SLCO3A1: variants seen among roughly 807,000 people sequenced by gnomAD.
SLCO3A1 encodes the protein PGE1 transporter.
SLCO3A1 carries 27 observed loss-of-function variants against 63.1 expected under a neutral mutation model. The observed-to-expected ratio is 0.43, with a 90% confidence interval of 0.32 to 0.59. The LOEUF is 0.59. SLCO3A1 is among the 20% of genes least tolerant of loss of function. The pLI, the probability that SLCO3A1 is intolerant of heterozygous loss-of-function variation, is 0.09. For missense variants in SLCO3A1, 773 were observed against 945.8 expected, an observed-to-expected ratio of 0.82 and a Z score of 2.40; for synonymous variants, 473 against 409.9, an observed-to-expected ratio of 1.15 and a Z score of -1.86.
chr15:92,125,584 A>G (rs1195132014), intron 5 of SLCO3A1, among the ~76,000 whole-genome samples: 1 of 152,066 alleles, frequency 6.6e-6, no homozygotes, highest in African/African-American at 2.4e-5. Flanking sequence ...CAGCCTCCGT[A>G]CTTTCCGTGA....
intron 2 of SLCO3A1, among the ~76,000 whole-genome samples, chr15:91,999,206 G>C (rs758209723): frequency 6.6e-6 from 1 of 152,072 alleles, no homozygotes; most frequent in Non-Finnish European, 1.5e-5. Flanking sequence ...TGATGGGATC[G>C]TTCATAACCC....
intron 2 of SLCO3A1, among the ~76,000 whole-genome samples, chr15:92,005,552 A>G (rs953389420): frequency 2.0e-5 from 3 of 152,170 alleles, no homozygotes; most frequent in Non-Finnish European, 4.4e-5. Context: ...ACAGAGGAAA[A>G]CACACATTAG....
chr15:91,988,908 G>A (rs1597193504), intron 2 of SLCO3A1, among the ~76,000 whole-genome samples: 2 of 152,176 alleles, frequency 1.3e-5, no homozygotes, highest in Non-Finnish European at 2.9e-5. Context: ...GCTGCAAAAA[G>A]AATGAGGGGA....
intron 2 of SLCO3A1, among the ~76,000 whole-genome samples, chr15:92,001,213 CG>C (rs1450429008): frequency 3.3e-4 from 3 of 9,016 alleles, no homozygotes; most frequent in Admixed American, 1.4e-3. Flanking sequence ...GGTGGGTGGG[CG>C]GGGGGGAGGG....
At chr15:92,055,630 C>A (rs2047012326) in intron 2 of SLCO3A1, among the ~76,000 whole-genome samples, 1 of 152,152 alleles carries the variant, frequency 6.6e-6, no homozygotes, top group Non-Finnish European at 1.5e-5. Context: ...CATACACTCT[C>A]TGCATTTGAC....
At chr15:92,080,405 T>C (rs12101738) in intron 2 of SLCO3A1, among the ~76,000 whole-genome samples, 7,301 of 151,808 alleles carry the variant, frequency 0.048, 469 homozygotes, top group African/African-American at 0.15. Context: ...TTTTTTTTTT[T>C]CCTCCAGTCC....
chr15:92,065,796 A>G (rs985605170), intron 2 of SLCO3A1, among the ~76,000 whole-genome samples: 3 of 152,224 alleles, frequency 2.0e-5, no homozygotes, highest in Non-Finnish European at 4.4e-5. Context: ...TTGCACAACC[A>G]TCACCACCAT....
At position 91,860,702 on chromosome 15, in the gene SLCO3A1, C is replaced by G. The variant is rs1360826749; in HGVS notation, c.180+6614C>G. Reference sequence around the variant, plus strand: ...GGACATATGTTGTGGACATATGCTGCCCTCCAGGCAGCCTTGTTTAAAACG... The same window carrying G: ...GGACATATGTTGTGGACATATGCTGGCCTCCAGGCAGCCTTGTTTAAAACG... On this transcript the variant is annotated intron_variant, in intron 1 of 9. Transcript: ENST00000318445. This position sits in a 1 kb window ranked among gnomAD's most constrained non-coding sequence, Gnocchi z 5.5. Among the ~76,000 whole-genome samples, 7 of 152,350 alleles carry G rather than the reference C, an allele frequency of 4.6e-5. No individual in the cohort carries two copies. The East Asian group carries it at 1.4e-3, about 29-fold the overall frequency.
intron 2 of SLCO3A1, among the ~76,000 whole-genome samples, chr15:92,022,190 T>G (rs1201932756): frequency 1.3e-5 from 2 of 152,176 alleles, no homozygotes; most frequent in Non-Finnish European, 2.9e-5. Flanking sequence ...GCAGAGGAAG[T>G]TGGATATTTA....
chr15:91,936,150 T>C (rs183322909), intron 2 of SLCO3A1, among the ~76,000 whole-genome samples: 3 of 152,214 alleles, frequency 2.0e-5, no homozygotes, highest in Non-Finnish European at 4.4e-5. Flanking sequence ...AGAGATGCTG[T>C]AACGATTATA....
chr15:91,915,107 A>G (rs1361468881), intron 1 of SLCO3A1, among the ~76,000 whole-genome samples: 1 of 151,994 alleles, frequency 6.6e-6, no homozygotes, highest in East Asian at 1.9e-4. Flanking sequence ...GCATCTCCTC[A>G]TGGCCCCCTT....
chr15:91,860,732 T>A lies in SLCO3A1; in HGVS notation c.180+6644T>A, dbSNP rs1897027948. Among the ~76,000 whole-genome samples the A allele has an allele frequency of 6.6e-6, 1 of 152,246 alleles. No homozygotes were observed. Among genetic ancestry groups the A allele is most frequent in the Admixed American group, 6.5e-5 (1 of 15,294 alleles). The stretch of plus-strand genomic sequence containing the variant: ...CAGGCAGCCTTGTTTAAAACGTGCC[T>A]TCGCAGAGCTCAGCCTTGGTTGCCC... On this transcript the variant is annotated intron_variant, in intron 1 of 9. Transcript: ENST00000318445. The surrounding 1 kb of genome is among the most constrained non-coding windows in gnomAD (Gnocchi z 5.5).
rs763925583 is a variant in SLCO3A1, at chr15:92,163,067, C to T, written c.2065C>T (p.His689Tyr). 4 of 1,563,204 alleles carry T rather than the reference C, an allele frequency of 2.6e-6. No homozygotes were observed. Among genetic ancestry groups the T allele is most frequent in the Non-Finnish European group, 3.5e-6 (4 of 1,156,676 alleles). The change falls in exon 10 of 10, where the codon CAT becomes TAT. Residue 689 changes from histidine (H) to tyrosine (Y), a missense_variant. This residue lies in a region of SLCO3A1 where 139 missense variants were observed against 131.4 expected (regional missense o/e 1.06). Coordinates refer to ENST00000318445, the MANE Select transcript of SLCO3A1 (RefSeq NM_013272.4). Reference sequence around the variant, plus strand: ...GGACCCTGTGCCCGCAAACCAGACACATAGGACAAAGTTTATCTATAACCT... The same window carrying T: ...GGACCCTGTGCCCGCAAACCAGACATATAGGACAAAGTTTATCTATAACCT... ...GRDPVPANQT[H>Y]RTKFIYNLED...
At position 91,862,545 on chromosome 15, in the gene SLCO3A1, G is replaced by A. The variant is rs142423004; in HGVS notation, c.180+8457G>A. On this transcript the variant is annotated intron_variant, in intron 1 of 9. Transcript: ENST00000318445. The surrounding 1 kb of genome is among the most constrained non-coding windows in gnomAD (Gnocchi z 4.0). ...AGGTTGTCCTTTGGGACAACTTTTG[G>A]GTGTCTGGATAATGAACCTGTTCAG... 2.6e-5 allele frequency among the ~76,000 whole-genome samples: 4 copies of A among 152,304 alleles called. No homozygotes were observed. Among genetic ancestry groups the A allele is most frequent in the Non-Finnish European group, 4.4e-5 (3 of 68,018 alleles).
chr15:91,921,873 G>A (rs1052379160), intron 2 of SLCO3A1, among the ~76,000 whole-genome samples: 2 of 151,962 alleles, frequency 1.3e-5, no homozygotes, highest in African/African-American at 4.8e-5. Flanking sequence ...GAGATTATAG[G>A]TGCCTGCCAC....
chr15:91,951,192 C>T (rs1160699881), intron 2 of SLCO3A1, among the ~76,000 whole-genome samples: 1 of 152,128 alleles, frequency 6.6e-6, no homozygotes. Flanking sequence ...TTCATCATCC[C>T]CAGAAGAAAC....
intron 7 of SLCO3A1, among the ~76,000 whole-genome samples, chr15:92,142,677 C>T (rs1324834617): frequency 3.3e-5 from 5 of 152,188 alleles, no homozygotes; most frequent in Non-Finnish European, 5.9e-5. Context: ...TGTCTGCTCG[C>T]CTCATTAACA....
intron 2 of SLCO3A1, among the ~76,000 whole-genome samples, chr15:91,962,098 T>C (rs1900468672): frequency 6.6e-6 from 1 of 152,146 alleles, no homozygotes; most frequent in African/African-American, 2.4e-5. Context: ...AAGAACAAAC[T>C]CTGGCGGTCA....
chr15:92,107,583 A>G (rs1237595160), intron 4 of SLCO3A1, among the ~76,000 whole-genome samples: 1 of 152,210 alleles, frequency 6.6e-6, no homozygotes, highest in Non-Finnish European at 1.5e-5. Flanking sequence ...GCATGTATAC[A>G]TAGAACTGAC....
Sources: allele counts gnomAD v4.1 joint callset (sites outside exome capture counted in the v4.1 genomes callset), GRCh38; gene constraint gnomAD v4.1.1; regional missense constraint gnomAD v4.1.1; non-coding constraint Gnocchi (gnomAD v3.1); transcripts MANE v1.5; gene names NCBI Gene and HGNC (gene_info 2026-07-23, HGNC 2026-07-21).